Variants in CADM2 observed in about 807,000 individuals in gnomAD.
CADM2 encodes the protein immunoglobulin superfamily member 4D.
CADM2 carries 12 observed loss-of-function variants against 49.8 expected under a neutral mutation model. The ratio of observed to expected loss-of-function variants is 0.24; its 90% CI spans 0.15 to 0.39. The LOEUF (loss-of-function observed/expected upper bound fraction) is 0.39. Ranked by LOEUF, CADM2 falls within the 10% of genes least tolerant of loss-of-function variation. CADM2 has a pLI of 1.00. For synonymous variants in CADM2, 214 were observed against 175.4 expected, an observed-to-expected ratio of 1.22 and a Z score of -1.74; for missense variants, 378 against 492.3, an observed-to-expected ratio of 0.77 and a Z score of 2.20.
chr3:85,177,385 A>G (rs1252945804), intron 1 of CADM2, among the ~76,000 whole-genome samples: 1 of 152,138 alleles, frequency 6.6e-6, no homozygotes, highest in African/African-American at 2.4e-5. Flanking sequence ...ATGATCGTTT[A>G]TACCTTTAAT....
intron 6 of CADM2, among the ~76,000 whole-genome samples, chr3:85,924,592 A>AAAAT (rs56769723): frequency 0.29 from 42,012 of 146,106 alleles, 6,258 homozygotes; most frequent in East Asian, 0.4. Flanking sequence ...ACAACATCTA[A>AAAAT]AAATAAATAA....
intron 1 of CADM2, among the ~76,000 whole-genome samples, chr3:85,543,187 G>A (rs530961200): frequency 1.1e-4 from 16 of 151,456 alleles, no homozygotes; most frequent in Admixed American, 2.0e-4. Flanking sequence ...CAAAACAACA[G>A]GTACCTTGCC....
chr3:85,137,084 C>A (rs2039435390), intron 1 of CADM2, among the ~76,000 whole-genome samples: 1 of 151,884 alleles, frequency 6.6e-6, no homozygotes, highest in Non-Finnish European at 1.5e-5. Context: ...AATTAATCAT[C>A]TACCCAGGAT....
intron 1 of CADM2, among the ~76,000 whole-genome samples, chr3:85,115,861 A>G (rs950338400): frequency 6.6e-6 from 1 of 152,150 alleles, no homozygotes; most frequent in African/African-American, 2.4e-5. Flanking sequence ...ATTGGATTAC[A>G]TTCTCTATCT....
At chr3:85,472,776 T>C (rs534373639) in intron 1 of CADM2, among the ~76,000 whole-genome samples, 1 of 152,154 alleles carries the variant, frequency 6.6e-6, no homozygotes, top group East Asian at 1.9e-4. Context: ...TTATTGTCAC[T>C]CATTCTCTCT....
chr3:86,021,061 G>A (rs1577975268), intron 8 of CADM2, among the ~76,000 whole-genome samples: 1 of 152,052 alleles, frequency 6.6e-6, no homozygotes, highest in South Asian at 2.1e-4. Context: ...GTGCGGTGAC[G>A]AGATCTCGGC....
At chr3:85,030,169 A>G (rs1017987088) in intron 1 of CADM2, among the ~76,000 whole-genome samples, 1 of 152,184 alleles carries the variant, frequency 6.6e-6, no homozygotes, top group Non-Finnish European at 1.5e-5. Flanking sequence ...CCTTGATATC[A>G]CTGCTCCTCT....
intron 8 of CADM2, among the ~76,000 whole-genome samples, chr3:86,061,100 C>T (rs1164732752): frequency 1.3e-5 from 2 of 151,904 alleles, no homozygotes; most frequent in African/African-American, 4.8e-5. Context: ...TTAATGCAAA[C>T]ATATGACCCA....
chr3:85,015,875 C>T (rs2034229537), intron 1 of CADM2, among the ~76,000 whole-genome samples: 1 of 152,020 alleles, frequency 6.6e-6, no homozygotes. Context: ...ATGCGAAGGC[C>T]TGGAATAGGG....
At chr3:85,827,747 A>G (rs2073987193) in intron 3 of CADM2, among the ~76,000 whole-genome samples, 2 of 151,890 alleles carry the variant, frequency 1.3e-5, no homozygotes, top group Admixed American at 6.6e-5. Flanking sequence ...GCTGTGCTGT[A>G]TTTTTCCCAA....
intron 8 of CADM2, among the ~76,000 whole-genome samples, chr3:86,019,523 T>A (rs1467675496): frequency 5.4e-5 from 8 of 149,464 alleles, no homozygotes; most frequent in Non-Finnish European, 9.0e-5. Context: ...TGGAATGTTC[T>A]TCCATTTGTT....
chr3:85,102,654 A>T (rs1160312567), intron 1 of CADM2, among the ~76,000 whole-genome samples: 7 of 152,324 alleles, frequency 4.6e-5, no homozygotes, highest in East Asian at 1.9e-4. Context: ...CTGACTTAGG[A>T]AAAGCACCTA....
At chr3:85,928,175 T>C (rs1183150583) in intron 6 of CADM2, among the ~76,000 whole-genome samples, 1 of 151,036 alleles carries the variant, frequency 6.6e-6, no homozygotes, top group East Asian at 1.9e-4. Flanking sequence ...TTTTTTTTTT[T>C]TTGAAATGGA....
intron 1 of CADM2, among the ~76,000 whole-genome samples, chr3:84,973,794 TA>T (rs2031630176): frequency 2.0e-5 from 3 of 152,138 alleles, no homozygotes; most frequent in Non-Finnish European, 4.4e-5. Flanking sequence ...TCATATATAT[TA>T]AAACTCCCGC....
At chr3:85,996,566 C>T (rs944500389) in intron 8 of CADM2, among the ~76,000 whole-genome samples, 5 of 151,918 alleles carry the variant, frequency 3.3e-5, no homozygotes, top group African/African-American at 4.8e-5. Context: ...AAAAACAATA[C>T]GTATAATATT....
chr3:84,998,027 A>T (rs936522136), intron 1 of CADM2, among the ~76,000 whole-genome samples: 1 of 152,180 alleles, frequency 6.6e-6, no homozygotes, highest in Non-Finnish European at 1.5e-5. Flanking sequence ...GTGTTTTGCA[A>T]GTAAGATGTA....
intron 1 of CADM2, among the ~76,000 whole-genome samples, chr3:84,995,861 G>T (rs1426414980): frequency 2.0e-5 from 3 of 152,154 alleles, no homozygotes; most frequent in Non-Finnish European, 2.9e-5. Context: ...GTTGGTCAAA[G>T]ATGGCTGAAA....
chr3:85,815,680 C>T (rs972296092), intron 3 of CADM2, among the ~76,000 whole-genome samples: 1 of 152,076 alleles, frequency 6.6e-6, no homozygotes, highest in East Asian at 1.9e-4. Context: ...CTTTGAAAAC[C>T]GGTGCAAGAC....
intron 1 of CADM2, among the ~76,000 whole-genome samples, chr3:85,189,070 T>C (rs985476636): frequency 4.0e-5 from 6 of 148,380 alleles, no homozygotes; most frequent in African/African-American, 1.5e-4. Flanking sequence ...ATAAAATAAA[T>C]AAATAAATAA....
Sources: gnomAD v4.1 joint callset for allele counts (sites outside exome capture counted in the v4.1 genomes callset) on GRCh38, gnomAD v4.1.1 for gene constraint, MANE v1.5 for transcripts, NCBI Gene and HGNC (gene_info 2026-07-23, HGNC 2026-07-21) for gene names.